The following ZFHX3 variants were observed in gnomAD, a reference collection of about 807,000 sequenced individuals.
ZFHX3 encodes the protein zinc finger homeobox 3, also known as zinc finger homeobox protein 3.
In ZFHX3, 42 loss-of-function variants were observed where a neutral mutation model predicts 279.1. The observed-to-expected ratio is 0.15, with a 90% confidence interval of 0.12 to 0.19. The LOEUF (loss-of-function observed/expected upper bound fraction) is 0.19, where lower values mean the gene tolerates loss of function less well. Ranked by LOEUF, ZFHX3 falls within the 10% of genes least tolerant of loss-of-function variation. ZFHX3 has a pLI of 1.00. For missense variants in ZFHX3, 4,981 were observed against 4,754.0 expected, an observed-to-expected ratio of 1.05 and a Z score of -1.40; for synonymous variants, 2,293 against 1,957.8, an observed-to-expected ratio of 1.17 and a Z score of -4.52.
At chr16:73,463,083 T>G (rs1447711730) in intron 2 of ZFHX3, among the ~76,000 whole-genome samples, 3 of 152,214 alleles carry the variant, frequency 2.0e-5, no homozygotes, top group African/African-American at 7.2e-5. Context: ...CCCACAATTA[T>G]GCAAGGTCTG....
intron 2 of ZFHX3, among the ~76,000 whole-genome samples, chr16:73,477,726 A>G (rs994007687): frequency 3.9e-5 from 6 of 152,178 alleles, no homozygotes; most frequent in Admixed American, 3.9e-4. Flanking sequence ...TCACGTGCTT[A>G]TATCTGGGTA....
intron 3 of ZFHX3, among the ~76,000 whole-genome samples, chr16:73,436,241 A>G (rs1434817167): frequency 6.6e-6 from 1 of 152,152 alleles, no homozygotes; most frequent in Non-Finnish European, 1.5e-5. Context: ...GAATCGCTTG[A>G]GCCTGGGAGG....
At chr16:72,961,025 T>C (rs1483194150) in intron 1 of ZFHX3, among the ~76,000 whole-genome samples, 2 of 152,070 alleles carry the variant, frequency 1.3e-5, no homozygotes, top group African/African-American at 4.8e-5. Flanking sequence ...TGACTCTAGC[T>C]GACTTCAGAC....
chr16:73,448,685 C>CGTGTGTGTGTGTGTGTGTGTGTGTGT (rs71156167), intron 3 of ZFHX3, among the ~76,000 whole-genome samples: 1 of 142,090 alleles, frequency 7.0e-6, no homozygotes, highest in Non-Finnish European at 1.5e-5. Context: ...TATTTATATA[C>CGTGTGTGTGTGTGTGTGTGTGTGTGT]GTGTGTGTGT....
intron 2 of ZFHX3, among the ~76,000 whole-genome samples, chr16:73,578,407 G>C (rs774470474): frequency 6.6e-6 from 1 of 151,920 alleles, no homozygotes; most frequent in Non-Finnish European, 1.5e-5. Context: ...CAAAGGGAAG[G>C]ATATTTTCAT....
At chr16:72,989,118 A>G (rs1962965109) in intron 1 of ZFHX3, among the ~76,000 whole-genome samples, 2 of 135,786 alleles carry the variant, frequency 1.5e-5, no homozygotes, top group Admixed American at 1.6e-4. Context: ...GGCTGCGGTG[A>G]GCCAAGATCA....
At chr16:72,808,789 G>A (rs1241345873) in intron 7 of ZFHX3, among the ~76,000 whole-genome samples, 1 of 152,176 alleles carries the variant, frequency 6.6e-6, no homozygotes, top group Admixed American at 6.5e-5. Flanking sequence ...CCAGTCCCAT[G>A]GACATATCCT....
chr16:73,104,719 C>T (rs1966274776), intron 7 of ZFHX3, among the ~76,000 whole-genome samples: 1 of 152,164 alleles, frequency 6.6e-6, no homozygotes, highest in South Asian at 2.1e-4. Flanking sequence ...CGGTTGACTT[C>T]AGGTATAGGC....
At chr16:73,331,002 C>T (rs1434388045) in intron 3 of ZFHX3, among the ~76,000 whole-genome samples, 1 of 152,140 alleles carries the variant, frequency 6.6e-6, no homozygotes, top group Non-Finnish European at 1.5e-5. Context: ...TTAGTCCATT[C>T]TCACACTGCT....
intron 3 of ZFHX3, among the ~76,000 whole-genome samples, chr16:73,344,610 C>T (rs886715925): frequency 1.3e-5 from 2 of 152,134 alleles, no homozygotes; most frequent in Admixed American, 6.5e-5. Flanking sequence ...AGGAAACATA[C>T]ACCAACATGT....
intron 5 of ZFHX3, among the ~76,000 whole-genome samples, chr16:72,828,045 A>G (rs903257224): frequency 3.3e-5 from 5 of 152,154 alleles, no homozygotes; most frequent in East Asian, 1.9e-4. Context: ...CTCAAAGGCA[A>G]TATTTCTCAG....
chr16:73,006,261 A>C (rs1963698200), intron 1 of ZFHX3: 1 of 152,202 alleles, frequency 6.6e-6, no homozygotes, highest in African/African-American at 2.4e-5. Context: ...CTTCATTGAG[A>C]AGTCAATGCA....
At chr16:73,831,375 G>T (rs571941562) in intron 1 of ZFHX3, among the ~76,000 whole-genome samples, 105 of 152,294 alleles carry the variant, frequency 6.9e-4, no homozygotes, top group Middle Eastern at 3.4e-3. Context: ...GCAGCCCTGG[G>T]GGCTCTGATG....
intron 5 of ZFHX3, among the ~76,000 whole-genome samples, chr16:73,216,543 C>G (rs554807012): frequency 6.6e-6 from 1 of 152,282 alleles, no homozygotes; most frequent in South Asian, 2.1e-4. Flanking sequence ...CAGCATGAAC[C>G]TATGGTAAAC....
At chr16:73,326,791 C>A (rs1288754842) in intron 3 of ZFHX3, among the ~76,000 whole-genome samples, 1 of 152,140 alleles carries the variant, frequency 6.6e-6, no homozygotes, top group East Asian at 1.9e-4. Context: ...CAGAAAAGTT[C>A]TTAACAAAAC....
intron 1 of ZFHX3, among the ~76,000 whole-genome samples, chr16:73,875,460 A>G (rs532278934): frequency 9.2e-5 from 14 of 152,302 alleles, no homozygotes; most frequent in African/African-American, 3.4e-4. Flanking sequence ...TCTAAAATAC[A>G]GCATATAAAA....
intron 6 of ZFHX3, chr16:73,143,660 G>GTCC: frequency 1.1e-6 from 1 of 928,004 alleles, no homozygotes; most frequent in Admixed American, 2.3e-5. Flanking sequence ...TTTGTTTGGT[G>GTCC]TCCTTGTCTG....
rs149642409 is a variant in ZFHX3 at position 73,261,837 on chromosome 16, G to A, written c.-1193-4701C>T. 2.2e-4 allele frequency among the ~76,000 whole-genome samples: 34 copies of A among 151,836 alleles called. No homozygotes were observed. In the East Asian group the frequency reaches 3.9e-3, roughly 17 times the overall value. ...ATTACAGGGATGCACCACCACGCTC[G>A]GCGAATTTTTTATTTTTAGCAGAGA... On this transcript the variant is annotated intron_variant, in intron 4 of 17. Coordinates refer to the ZFHX3 transcript ENST00000641206.
intron 1 of ZFHX3, among the ~76,000 whole-genome samples, chr16:73,783,835 G>A (rs1959551531): frequency 6.6e-6 from 1 of 152,174 alleles, no homozygotes; most frequent in Non-Finnish European, 1.5e-5. Context: ...CATACAGCTA[G>A]TAAGAAGTAG....
Sources: allele counts gnomAD v4.1 joint callset (sites outside exome capture counted in the v4.1 genomes callset), GRCh38; gene constraint gnomAD v4.1.1; transcripts MANE v1.5; gene names NCBI Gene and HGNC (gene_info 2026-07-23, HGNC 2026-07-21).